Variants in ULK4 observed in about 807,000 individuals in gnomAD.
ULK4 encodes the protein inactive serine/threonine-protein kinase ULK4.
ULK4 carries 133 observed loss-of-function variants against 160.6 expected under a neutral mutation model. That is an observed-to-expected ratio of 0.83 (90% confidence interval 0.72 to 0.96). The LOEUF (loss-of-function observed/expected upper bound fraction) is 0.96, where lower values mean the gene tolerates loss of function less well. Ranked by LOEUF, ULK4 falls within the 40% of genes least tolerant of loss-of-function variation. The pLI is 0.00. For missense variants in ULK4, 1,580 were observed against 1,499.5 expected (o/e 1.05, Z -0.89); for synonymous variants, 534 against 539.8 (o/e 0.99, Z 0.15).
At chr3:41,387,789 T>G (rs2081854304) in intron 35 of ULK4, among the ~76,000 whole-genome samples, 1 of 152,184 alleles carries the variant, frequency 6.6e-6, no homozygotes, top group Non-Finnish European at 1.5e-5. Context: ...GACATTTGGG[T>G]TGGTTCCAAG....
intron 17 of ULK4, among the ~76,000 whole-genome samples, chr3:41,878,675 T>TAAAAAAAAA (rs33987084): frequency 4.2e-5 from 4 of 95,928 alleles, no homozygotes; most frequent in East Asian, 3.2e-4. Flanking sequence ...TTAAAACTGT[T>TAAAAAAAAA]AAAAAAAAAA....
At chr3:41,280,844 C>T (rs2079337292) in intron 35 of ULK4, among the ~76,000 whole-genome samples, 1 of 152,016 alleles carries the variant, frequency 6.6e-6, no homozygotes, top group Admixed American at 6.6e-5. Flanking sequence ...CACAAAAACC[C>T]TTCAAAAAAA....
chr3:41,689,877 G>C (rs1575573248), intron 27 of ULK4, among the ~76,000 whole-genome samples: 1 of 149,966 alleles, frequency 6.7e-6, no homozygotes, highest in African/African-American at 2.5e-5. Context: ...GTGGAAGTCA[G>C]TGTGGCGATT....
At chr3:41,609,656 A>T (rs1220466781) in intron 31 of ULK4, among the ~76,000 whole-genome samples, 1 of 152,192 alleles carries the variant, frequency 6.6e-6, no homozygotes, top group African/African-American at 2.4e-5. Context: ...TCCTAAGTCA[A>T]GCATTTTGAA....
At chr3:41,359,532 T>C (rs921671308) in intron 35 of ULK4, among the ~76,000 whole-genome samples, 66 of 151,870 alleles carry the variant, frequency 4.3e-4, no homozygotes, top group African/African-American at 1.6e-3. Flanking sequence ...GAAGCAGGAG[T>C]CACTGGCTGT....
At chr3:41,370,472 G>A (rs1424500996) in intron 35 of ULK4, among the ~76,000 whole-genome samples, 1 of 152,184 alleles carries the variant, frequency 6.6e-6, no homozygotes, top group Non-Finnish European at 1.5e-5. Context: ...ACTGGGACTG[G>A]TTAACTGGTT....
chr3:41,653,107 C>G (rs9826092), intron 30 of ULK4, among the ~76,000 whole-genome samples: 1 of 152,128 alleles, frequency 6.6e-6, no homozygotes, highest in African/African-American at 2.4e-5. Context: ...AAAGAACTAG[C>G]CTTCGGGCAT....
intron 34 of ULK4, among the ~76,000 whole-genome samples, chr3:41,421,176 C>T (rs998862178): frequency 1.3e-5 from 2 of 151,756 alleles, no homozygotes; most frequent in African/African-American, 4.8e-5. Flanking sequence ...TATATAATAC[C>T]TGCCTACTAA....
intron 19 of ULK4, among the ~76,000 whole-genome samples, chr3:41,817,515 GCAGGTA>G: frequency 2.0e-5 from 3 of 152,228 alleles, no homozygotes; most frequent in Middle Eastern, 3.4e-3. Context: ...ACAAATTAAA[GCAGGTA>G]CAGAAAACCA....
chr3:41,602,223 AGAAAG>A (rs1159808791), intron 31 of ULK4, among the ~76,000 whole-genome samples: 1 of 147,588 alleles, frequency 6.8e-6, no homozygotes, highest in Admixed American at 6.8e-5. Context: ...AAGGAAGAGA[AGAAAG>A]GAAAGGAAAG....
chr3:41,549,152 T>C (rs1208644672), intron 32 of ULK4, among the ~76,000 whole-genome samples: 3 of 152,066 alleles, frequency 2.0e-5, no homozygotes, highest in Non-Finnish European at 2.9e-5. Context: ...CAAAGAAACA[T>C]GACACCACCA....
chr3:41,825,450 T>C (rs1210843344), intron 18 of ULK4, among the ~76,000 whole-genome samples: 2 of 151,890 alleles, frequency 1.3e-5, no homozygotes, highest in East Asian at 3.9e-4. Context: ...GAATAACCAA[T>C]GCAGAGAAGT....
At chr3:41,295,476 G>C (rs1362386357) in intron 35 of ULK4, among the ~76,000 whole-genome samples, 1 of 132,912 alleles carries the variant, frequency 7.5e-6, no homozygotes, top group Non-Finnish European at 1.7e-5. Flanking sequence ...CTGATAAGCT[G>C]GGTTTTGTTA....
intron 35 of ULK4, among the ~76,000 whole-genome samples, chr3:41,389,998 G>C (rs2081917489): frequency 6.6e-6 from 1 of 152,048 alleles, no homozygotes; most frequent in African/African-American, 2.4e-5. Flanking sequence ...AATCCATCTG[G>C]TCCTGAACTC....
At chr3:41,565,889 G>T in intron 32 of ULK4, 136 bp downstream of exon 32, 3 of 612,534 alleles carry the variant, frequency 4.9e-6, no homozygotes, top group Non-Finnish European at 8.3e-6. Flanking sequence ...TCCAAATTTT[G>T]CTAGTAATAT....
intron 31 of ULK4, among the ~76,000 whole-genome samples, chr3:41,570,080 A>T (rs558919541): frequency 1.3e-5 from 2 of 152,302 alleles, no homozygotes; most frequent in South Asian, 4.1e-4. Flanking sequence ...TTGATTGGAC[A>T]CGTGGTTTCC....
intron 21 of ULK4, among the ~76,000 whole-genome samples, chr3:41,762,654 A>AAT (rs2039023899): frequency 8.7e-6 from 1 of 114,304 alleles, no homozygotes; most frequent in Non-Finnish European, 1.8e-5. Flanking sequence ...GAAGTGTTAC[A>AAT]CTTTTTTTTT....
chr3:41,337,969 T>A (rs1431597731), intron 35 of ULK4, among the ~76,000 whole-genome samples: 1 of 152,328 alleles, frequency 6.6e-6, no homozygotes, highest in South Asian at 2.1e-4. Context: ...TGAGAGCTAA[T>A]CAAGTTCCCA....
chr3:41,809,197 A>G (rs1012376096), intron 19 of ULK4, among the ~76,000 whole-genome samples: 3 of 150,480 alleles, frequency 2.0e-5, no homozygotes, highest in Non-Finnish European at 4.4e-5. Flanking sequence ...ACAAAAAAAA[A>G]CAAAAAAGAA....
Sources: gnomAD v4.1 joint callset for allele counts (sites outside exome capture counted in the v4.1 genomes callset) on GRCh38, gnomAD v4.1.1 for gene constraint, MANE v1.5 for transcripts, NCBI Gene and HGNC (gene_info 2026-07-23, HGNC 2026-07-21) for gene names.